Variants in KRAS observed in about 807,000 individuals in gnomAD.
The protein encoded by KRAS is KRas proto-oncogene, GTPase.
A neutral mutation model predicts 21.0 loss-of-function variants in KRAS; 1 was observed. The ratio of observed to expected loss-of-function variants is 0.05; its 90% CI spans 0.02 to 0.23. The LOEUF (loss-of-function observed/expected upper bound fraction) is 0.23, where lower values mean the gene tolerates loss of function less well. Ranked by LOEUF, KRAS falls within the 10% of genes least tolerant of loss-of-function variation. KRAS has a pLI of 1.00. For missense variants in KRAS, 107 were observed against 221.8 expected, an observed-to-expected ratio of 0.48 and a Z score of 3.29; for synonymous variants, 67 against 72.5, an observed-to-expected ratio of 0.92 and a Z score of 0.39.
intron 2 of KRAS, among the ~76,000 whole-genome samples, chr12:25,240,529 CCTAAAA>C (rs1951598080): frequency 2.0e-5 from 3 of 152,124 alleles, no homozygotes; most frequent in Admixed American, 2.0e-4. Flanking sequence ...TCTAGAGATA[CCTAAAA>C]CTAATAAGCT....
intron 2 of KRAS, among the ~76,000 whole-genome samples, chr12:25,239,787 T>A (rs1292515200): frequency 6.6e-6 from 1 of 152,034 alleles, no homozygotes; most frequent in African/African-American, 2.4e-5. Context: ...ACCCCGTCTC[T>A]ACTAAAAATA....
intron 2 of KRAS, among the ~76,000 whole-genome samples, chr12:25,237,557 G>T (rs910630915): frequency 6.6e-6 from 1 of 152,094 alleles, no homozygotes; most frequent in African/African-American, 2.4e-5. Flanking sequence ...TGGTGCTCAG[G>T]ACAGAAGTCC....
At chr12:25,211,720 AG>A (rs1951201848) in intron 4 of KRAS, among the ~76,000 whole-genome samples, 1 of 152,256 alleles carries the variant, frequency 6.6e-6, no homozygotes, top group Admixed American at 6.5e-5. Context: ...CTATAATTCA[AG>A]AAAGCGTGAC....
At chr12:25,226,624 CAT>C (rs1402121436) in intron 3 of KRAS, among the ~76,000 whole-genome samples, 2 of 152,138 alleles carry the variant, frequency 1.3e-5, no homozygotes, top group Non-Finnish European at 2.9e-5. Flanking sequence ...TATTATATGA[CAT>C]AGCCACTGAG....
At chr12:25,227,545 C>G (rs573777222) in intron 2 of KRAS, 133 bp from the exon 3 acceptor site, 3 of 732,460 alleles carry the variant, frequency 4.1e-6, no homozygotes, top group East Asian at 5.5e-5. Context: ...TGTTCCTGCT[C>G]CAAAGATGAC....
At position 25,248,319 on chromosome 12, in the gene KRAS, G is replaced by A. The variant is rs368143408; in HGVS notation, c.-12+2432C>T. On this transcript the variant is annotated intron_variant, in intron 1 of 4. Coordinates refer to ENST00000311936, the MANE Select transcript of KRAS (RefSeq NM_004985.5). ...CTAAAAATACAATTAGCCCGGTGGC[G>A]GGAGCCTGTAATCCCGGCTACTCGG... Among the ~76,000 whole-genome samples the A allele has an allele frequency of 3.9e-5, 6 of 152,052 alleles. No homozygotes were observed. In the East Asian group the frequency reaches 7.8e-4, roughly 20 times the overall value.
chr12:25,220,895 C>T (rs910401065), intron 4 of KRAS, among the ~76,000 whole-genome samples: 3 of 150,994 alleles, frequency 2.0e-5, no homozygotes, highest in East Asian at 2.0e-4. Context: ...TGTGGTGGTG[C>T]GTGCCTGTAG....
intron 2 of KRAS, chr12:25,234,785 T>C (rs1202817576): frequency 5.0e-6 from 1 of 199,844 alleles, no homozygotes; most frequent in African/African-American, 2.3e-5. Flanking sequence ...AATTATTCAG[T>C]GTGTTCACCT....
intron 4 of KRAS, among the ~76,000 whole-genome samples, chr12:25,220,731 A>G (rs867870146): frequency 6.6e-6 from 1 of 151,086 alleles, no homozygotes; most frequent in South Asian, 2.1e-4. Context: ...CAAAAAAAAA[A>G]AAAATACTAG....
intron 2 of KRAS, among the ~76,000 whole-genome samples, chr12:25,231,092 CTTTTTTTTTTTTTTTTT>C (rs34361223): frequency 3.0e-5 from 2 of 66,368 alleles, no homozygotes; most frequent in Non-Finnish European, 5.5e-5. Flanking sequence ...ACCTCACATT[CTTTTTTTTTTTTTTTTT>C]TTTTTTTTTT....
At chr12:25,236,974 C>A (rs1951552253) in intron 2 of KRAS, among the ~76,000 whole-genome samples, 1 of 151,754 alleles carries the variant, frequency 6.6e-6, no homozygotes, top group South Asian at 2.1e-4. Flanking sequence ...TCAAAATTGC[C>A]AAAAAGAGGA....
rs764987972 is a variant in KRAS, at chr12:25,205,819, T to G, written c.*3976A>C. On this transcript the variant is annotated 3_prime_UTR_variant, in exon 5 of 5. Transcript: ENST00000311936. ...AACTAAAACACAGATCTTAATCTAG[T>G]TATGACTATTCTTCAAGAACTCATG... 1 of 215,118 alleles carries G rather than the reference T, an allele frequency of 4.6e-6. No homozygotes were observed. 13.3% of individuals were successfully genotyped at this position (215,118 alleles called of 1,614,324 possible). A position where few individuals can be genotyped will look rare whatever the true frequency, so the allele number is the denominator to read the frequency against.
intron 1 of KRAS, among the ~76,000 whole-genome samples, chr12:25,249,315 T>C (rs1951732034): frequency 6.6e-6 from 1 of 152,026 alleles, no homozygotes; most frequent in Admixed American, 6.5e-5. Flanking sequence ...GAGAATTGCT[T>C]GAATGCAGGA....
At chr12:25,243,630 T>C (rs547811058) in intron 2 of KRAS, among the ~76,000 whole-genome samples, 4 of 152,290 alleles carry the variant, frequency 2.6e-5, no homozygotes, top group African/African-American at 9.6e-5. Flanking sequence ...GTAATGGAAT[T>C]TCTCAGATTT....
Position 25,206,089 on chromosome 12 carries a change from T to C in KRAS, c.*3706A>G, listed in dbSNP as rs1951135598. On this transcript the variant is annotated 3_prime_UTR_variant, in exon 5 of 5. Coordinates refer to ENST00000311936, the MANE Select transcript of KRAS (RefSeq NM_004985.5). ...ATCCCCTAAAAAAAGTTATATACTG[T>C]TTGAAGAAAAAATGTTTAGAAGAAA... The C allele has an allele frequency of 4.7e-6, 1 of 211,714 alleles. No individual in the cohort carries two copies. The highest frequency in any genetic ancestry group is 1.9e-4 in the South Asian group (1 of 5,324). The allele number at this position is 211,714 out of a possible 1,614,324, so 13.1% of individuals were successfully genotyped here. A position where few individuals can be genotyped will look rare whatever the true frequency, so the allele number is the denominator to read the frequency against.
rs1951178826 is a variant in KRAS, at chr12:25,209,332, G to A, written c.*463C>T. On this transcript the variant is annotated 3_prime_UTR_variant, in exon 5 of 5. Coordinates refer to ENST00000311936, the MANE Select transcript of KRAS (RefSeq NM_004985.5). ...ATGATGCCTAGAAGAATCATCATCA[G>A]GAAGCCCATAAATTTGTGTTCCCTC... The A allele has an allele frequency of 3.4e-6, 2 of 591,616 alleles. No individual in the cohort carries two copies. The highest frequency in any genetic ancestry group is 2.3e-5 in the South Asian group (1 of 43,556). 36.6% of individuals were successfully genotyped at this position (591,616 alleles called of 1,614,324 possible).
At chr12:25,215,293 T>A in intron 4 of KRAS, 1 of 1,288,000 alleles carries the variant, frequency 7.8e-7, no homozygotes. Flanking sequence ...AAAATAAATG[T>A]ACTAATTATG....
chr12:25,249,836 A>G (rs1013322108), intron 1 of KRAS, among the ~76,000 whole-genome samples: 2 of 152,028 alleles, frequency 1.3e-5, no homozygotes, highest in African/African-American at 2.4e-5. Flanking sequence ...TTCAAGTACT[A>G]TTTTTGCTAT....
rs966150508 is a variant in KRAS, at chr12:25,225,490, A to C, written c.450+124T>G. ...AGCAATGCCCTCTCAAGAGACAAAA[A>C]CATTTACTAAATATTGTTTTATTTC... On this transcript the variant is annotated intron_variant, in intron 4 of 4. Transcript: ENST00000311936. The C allele has an allele frequency of 6.9e-6, 7 of 1,021,462 alleles. No individual in the cohort carries two copies. In the African/African-American group the frequency reaches 1.1e-4, roughly 16 times the overall value. The allele number at this position is 1,021,462 out of a possible 1,614,324, so 63.3% of individuals were successfully genotyped here.
Sources: allele counts gnomAD v4.1 joint callset (sites outside exome capture counted in the v4.1 genomes callset), GRCh38; gene constraint gnomAD v4.1.1; transcripts MANE v1.5; gene names NCBI Gene and HGNC (gene_info 2026-07-23, HGNC 2026-07-21).